The following SLFN12L variants were observed in gnomAD, a reference collection of about 807,000 sequenced individuals.
The protein encoded by SLFN12L is schlafen family member 12-like.
SLFN12L carries 34 observed loss-of-function variants against 34.8 expected under a neutral mutation model. The ratio of observed to expected loss-of-function variants is 0.98; its 90% CI spans 0.74 to 1.30. The LOEUF is 1.30. Ranked by LOEUF, SLFN12L falls within the 50% of genes most tolerant of loss-of-function variation. SLFN12L has a pLI of 0.00. For synonymous variants in SLFN12L, 259 were observed against 247.5 expected (o/e 1.05, Z -0.44); for missense variants, 703 against 696.2 (o/e 1.01, Z -0.11).
intron 2 of SLFN12L, among the ~76,000 whole-genome samples, chr17:35,494,450 G>A (rs1914965273): frequency 6.6e-6 from 1 of 152,200 alleles, no homozygotes; most frequent in Admixed American, 6.5e-5. Context: ...ATCACACTCA[G>A]TGAGGAAATA....
intron 2 of SLFN12L, chr17:35,499,096 T>A (rs1235162142): frequency 1.2e-6 from 1 of 832,614 alleles, no homozygotes; most frequent in African/African-American, 1.7e-5. Flanking sequence ...CTTTGGAGCT[T>A]ACAATCCAGG....
rs919400220 is a variant in SLFN12L, at chr17:35,511,105, G to A, written c.86+11174C>T. Among the ~76,000 whole-genome samples, 2 of 152,172 alleles carry A rather than the reference G, an allele frequency of 1.3e-5. 1 individual carries two copies. On this transcript the variant is annotated intron_variant, in intron 2 of 4. Coordinates refer to ENST00000628453, the MANE Select transcript of SLFN12L (RefSeq NM_001363830.2). ...ACTGTAATGTATACATTTAACTAAA[G>A]ATTGTATTTCTCAATTGTAATTTTT...
rs565878438 is a variant in SLFN12L, at chr17:35,466,564, A to T, written c.*8359T>A. ...ACTCATATGGACATAAGAGTCCAACATCTTTTCATCCTTTTTGGGTTTTCA... is the reference window on the plus strand; with the variant it reads ...ACTCATATGGACATAAGAGTCCAACTTCTTTTCATCCTTTTTGGGTTTTCA... On this transcript the variant is annotated 3_prime_UTR_variant, in exon 5 of 5. Coordinates refer to ENST00000628453, the MANE Select transcript of SLFN12L (RefSeq NM_001363830.2). 2.3e-4 allele frequency among the ~76,000 whole-genome samples: 35 copies of T among 152,348 alleles called. No individual in the cohort carries two copies. The South Asian group carries it at 7.2e-3, about 32-fold the overall frequency.
intron 1 of SLFN12L, among the ~76,000 whole-genome samples, chr17:35,527,928 TG>T (rs1217381836): frequency 2.0e-5 from 3 of 152,210 alleles, no homozygotes; most frequent in Non-Finnish European, 2.9e-5. Context: ...TGTTTGCAGA[TG>T]ACATGATTGT....
intron 2 of SLFN12L, among the ~76,000 whole-genome samples, chr17:35,501,943 C>A (rs890957548): frequency 1.3e-5 from 2 of 150,828 alleles, no homozygotes; most frequent in African/African-American, 4.9e-5. Context: ...CAAGGAAAGA[C>A]CAGCAGAGAG....
Position 35,522,543 on chromosome 17 carries a change from G to C in SLFN12L, c.-179C>G. ...GAAGCCGAGCAAGACAATCACGAGGGACTGCAGCAGGGCTTCCAATGTGCT... is the reference window on the plus strand; with the variant it reads ...GAAGCCGAGCAAGACAATCACGAGGCACTGCAGCAGGGCTTCCAATGTGCT... On this transcript the variant is annotated 5_prime_UTR_variant, in exon 2 of 5. Coordinates refer to ENST00000628453, the MANE Select transcript of SLFN12L (RefSeq NM_001363830.2). 3.1e-6 allele frequency: 5 copies of C among 1,611,282 alleles called. No individual in the cohort carries two copies. The highest frequency in any genetic ancestry group is 4.2e-6 in the Non-Finnish European group (5 of 1,178,592).
chr17:35,495,492 C>T (rs1291798024), intron 2 of SLFN12L, among the ~76,000 whole-genome samples: 1 of 152,206 alleles, frequency 6.6e-6, no homozygotes, highest in African/African-American at 2.4e-5. Context: ...GCACTGGCGG[C>T]AGCCGTGGTC....
chr17:35,483,746 TAG>T (rs1914456191), intron 2 of SLFN12L, among the ~76,000 whole-genome samples: 1 of 152,182 alleles, frequency 6.6e-6, no homozygotes, highest in African/African-American at 2.4e-5. Flanking sequence ...TCAAGTGGCC[TAG>T]AGACAGTTGA....
At chr17:35,500,731 A>G (rs1915265890) in intron 2 of SLFN12L, among the ~76,000 whole-genome samples, 1 of 145,532 alleles carries the variant, frequency 6.9e-6, no homozygotes, top group African/African-American at 2.7e-5. Context: ...TCTGTCTCAA[A>G]AAAAAAAAAA....
At chr17:35,535,461 T>G (rs1400110728) in intron 1 of SLFN12L, among the ~76,000 whole-genome samples, 4 of 151,126 alleles carry the variant, frequency 2.6e-5, no homozygotes, top group South Asian at 4.2e-4. Flanking sequence ...GCTCCCAAAG[T>G]GCTGGGATTA....
intron 2 of SLFN12L, chr17:35,489,910 C>T: frequency 1.0e-6 from 1 of 987,810 alleles, no homozygotes; most frequent in Non-Finnish European, 1.5e-6. Context: ...TTATACAGCA[C>T]AGCATCTTAT....
intron 1 of SLFN12L, among the ~76,000 whole-genome samples, chr17:35,531,374 A>T (rs1029110686): frequency 2.0e-5 from 3 of 152,220 alleles, no homozygotes; most frequent in Non-Finnish European, 4.4e-5. Context: ...CAGATCTTTC[A>T]TGATCTTACT....
intron 2 of SLFN12L, 27 bp downstream of exon 2, chr17:35,522,252 T>G (rs1284966224): frequency 3.7e-5 from 60 of 1,612,936 alleles, no homozygotes; most frequent in Non-Finnish European, 5.0e-5. Context: ...TAAATAATAC[T>G]TAGAGACATA....
At chr17:35,499,156 CT>C in intron 2 of SLFN12L, 1 of 910,606 alleles carries the variant, frequency 1.1e-6, no homozygotes, top group East Asian at 3.7e-5. Context: ...ATCCATTTGG[CT>C]TGTGATATTC....
Position 35,530,453 on chromosome 17 carries a change from A to AAAGAAAGG in SLFN12L, c.-606+7119_-606+7120insCCTTTCTT, listed in dbSNP as rs2072392757. Among the ~76,000 whole-genome samples, 10 of 54,296 alleles carry AAAGAAAGG rather than the reference A, an allele frequency of 1.8e-4. 1 individual carries two copies. The highest frequency in any genetic ancestry group is 5.4e-4 in the African/African-American group (10 of 18,516). 35.6% of individuals were successfully genotyped at this position (54,296 alleles called of 152,430 possible). On this transcript the variant is annotated intron_variant, in intron 1 of 4. Transcript: ENST00000628453. ...AGGGAAGGGAAGGGAAGAAAGAAAG[A>AAAGAAAGG]AAGAAAGAAAGAAAGAAAGAAAGAA...
intron 1 of SLFN12L, among the ~76,000 whole-genome samples, chr17:35,528,518 C>T (rs1567691790): frequency 6.6e-6 from 1 of 152,274 alleles, no homozygotes; most frequent in African/African-American, 2.4e-5. Context: ...TGGAACAGAA[C>T]AGAGGCCTCA....
At position 35,468,081 on chromosome 17, in the gene SLFN12L, TTA is replaced by T. The variant is rs1193743809; in HGVS notation, c.*6840_*6841del. On this transcript the variant is annotated 3_prime_UTR_variant, in exon 5 of 5. Coordinates refer to ENST00000628453, the MANE Select transcript of SLFN12L (RefSeq NM_001363830.2). ...CACACTACCACGCCCAGCTAATTTT[TTA>T]TGTTTTTTGTAGAGACAGGGTTTTA... 2.6e-5 allele frequency among the ~76,000 whole-genome samples: 4 copies of T among 152,122 alleles called. No individual in the cohort carries two copies. In the East Asian group the frequency reaches 7.7e-4, roughly 29 times the overall value.
At chr17:35,532,184 G>A (rs1394712739) in intron 1 of SLFN12L, among the ~76,000 whole-genome samples, 1 of 152,120 alleles carries the variant, frequency 6.6e-6, no homozygotes, top group Non-Finnish European at 1.5e-5. Flanking sequence ...AGTGGCTCAC[G>A]CCTGTAATCC....
chr17:35,478,986 G>A (rs1027959130), intron 3 of SLFN12L, 131 bp downstream of exon 3: 2 of 654,430 alleles, frequency 3.1e-6, no homozygotes, highest in African/African-American at 3.7e-5. Flanking sequence ...AGGCAGGGAA[G>A]TATTGGTTGT....
Sources: allele counts gnomAD v4.1 joint callset (sites outside exome capture counted in the v4.1 genomes callset), GRCh38; gene constraint gnomAD v4.1.1; transcripts MANE v1.5; gene names NCBI Gene and HGNC (gene_info 2026-07-23, HGNC 2026-07-21).